The following SYNGR1 variants were observed in gnomAD, a reference collection of about 807,000 sequenced individuals.
The protein encoded by SYNGR1 is synaptogyrin-1.
SYNGR1 carries 14 observed loss-of-function variants against 26.1 expected under a neutral mutation model. That is an observed-to-expected ratio of 0.54 (90% confidence interval 0.35 to 0.84). The LOEUF is 0.84. SYNGR1 is among the 40% of genes least tolerant of loss of function. SYNGR1 has a pLI of 0.01. For missense variants in SYNGR1, 319 were observed against 332.9 expected, an observed-to-expected ratio of 0.96 and a Z score of 0.33; for synonymous variants, 141 against 150.1, an observed-to-expected ratio of 0.94 and a Z score of 0.44.
chr22:39,366,019 A>G (rs1276639357), intron 1 of SYNGR1, among the ~76,000 whole-genome samples: 3 of 53,018 alleles, frequency 5.7e-5, no homozygotes, highest in South Asian at 1.1e-3. Context: ...TTTTTTTGAG[A>G]CAGGGTCTCC....
intron 1 of SYNGR1, among the ~76,000 whole-genome samples, chr22:39,371,954 C>G (rs1320130988): frequency 6.6e-6 from 1 of 152,008 alleles, no homozygotes. Flanking sequence ...AACAAATTGC[C>G]CTACAACATA....
In SYNGR1 at chr22:39,383,199, G is replaced by A. The variant is rs1925554120; in HGVS notation, c.*1285G>A. On this transcript the variant is annotated 3_prime_UTR_variant, in exon 4 of 4. Transcript: ENST00000328933. Reference sequence around the variant, plus strand: ...GAGGTGTTTCCTTGGCCTTCCAGAAGGCCCACTGTGGAGCCAGCCTCCCTA... The same window carrying A: ...GAGGTGTTTCCTTGGCCTTCCAGAAAGCCCACTGTGGAGCCAGCCTCCCTA... 2.0e-5 allele frequency: 3 copies of A among 152,374 alleles called. No individual in the cohort carries two copies. Among genetic ancestry groups the A allele is most frequent in the African/African-American group, 7.2e-5 (3 of 41,452 alleles). The allele number at this position is 152,374 out of a possible 1,614,324, so 9.4% of individuals were successfully genotyped here.
At chr22:39,374,679 A>T in intron 2 of SYNGR1, 126 bp downstream of exon 2, 2 of 1,042,600 alleles carry the variant, frequency 1.9e-6, no homozygotes, top group Non-Finnish European at 2.9e-6. Context: ...GGGTGAAGGG[A>T]TGGACTCAGG....
rs1455215700 is a variant in SYNGR1 at position 39,376,010 on chromosome 22, T to C, written c.338-42T>C. The C allele has an allele frequency of 9.3e-6, 15 of 1,613,628 alleles. No individual in the cohort carries two copies. In the Middle Eastern group the frequency reaches 6.6e-4, roughly 71 times the overall value. ...TTCTCCCCACTCACCCTCTCCCCCATGTGTGGCACTGCCTATTCTGCCCGG... is the reference window on the plus strand; with the variant it reads ...TTCTCCCCACTCACCCTCTCCCCCACGTGTGGCACTGCCTATTCTGCCCGG... On this transcript the variant is annotated intron_variant, in intron 2 of 3. Transcript: ENST00000328933.
intron 1 of SYNGR1, among the ~76,000 whole-genome samples, chr22:39,353,013 C>T: frequency 6.6e-6 from 1 of 152,056 alleles, no homozygotes; most frequent in Admixed American, 6.6e-5. Context: ...AGGCACACAC[C>T]ACCACGCCCA....
rs1033939257 is a variant in SYNGR1 at position 39,381,707 on chromosome 22, T to C, written c.495T>C (p.Ala165=). 6.2e-7 allele frequency: 1 copy of C among 1,613,230 alleles called. No homozygotes were observed. The highest frequency in any genetic ancestry group is 1.3e-5 in the African/African-American group (1 of 74,922). Reference sequence around the variant, plus strand: ...GCCTTTGTCCCCAGGCGGGCCAGGCTGTGCTGGCCTTCCAGCGGTACCAGA... The same window carrying C: ...GCCTTTGTCCCCAGGCGGGCCAGGCCGTGCTGGCCTTCCAGCGGTACCAGA... ...FFSIFTWAGQ[A]VLAFQRYQIG... Residue 165 remains alanine, a synonymous_variant, in exon 4 of 4, where the codon GCT becomes GCC. Coordinates refer to ENST00000328933, the MANE Select transcript of SYNGR1 (RefSeq NM_004711.5).
chr22:39,380,120 T>G (rs942761645), intron 3 of SYNGR1: 1 of 147,542 alleles, frequency 6.8e-6, no homozygotes, highest in African/African-American at 2.5e-5. Flanking sequence ...TTCCTAACCA[T>G]GCATGTGTGC....
intron 1 of SYNGR1, among the ~76,000 whole-genome samples, chr22:39,353,913 G>C (rs993284657): frequency 1.3e-5 from 2 of 152,182 alleles, no homozygotes; most frequent in African/African-American, 4.8e-5. Flanking sequence ...CTCCAGGCTA[G>C]AGTGCAGTGG....
intron 1 of SYNGR1, among the ~76,000 whole-genome samples, chr22:39,357,392 C>T (rs1601650369): frequency 6.6e-6 from 1 of 152,362 alleles, no homozygotes; most frequent in Non-Finnish European, 1.5e-5. Flanking sequence ...TCACAGCCCT[C>T]ACTTGCTCTC....
chr22:39,366,326 C>T (rs555179809), intron 1 of SYNGR1, among the ~76,000 whole-genome samples: 1 of 151,644 alleles, frequency 6.6e-6, no homozygotes, highest in South Asian at 2.1e-4. Flanking sequence ...TCGGCTGTGT[C>T]TGCAGATTCT....
In SYNGR1 at chr22:39,385,233, C is replaced by T. The variant is rs1925623420; in HGVS notation, c.*3319C>T. 1.1e-5 allele frequency: 4 copies of T among 378,580 alleles called. No homozygotes were observed. The highest frequency in any genetic ancestry group is 9.1e-5 in the Admixed American group (2 of 22,088). The allele number at this position is 378,580 out of a possible 1,614,324, so 23.5% of individuals were successfully genotyped here. Reference sequence around the variant, plus strand: ...GGCTGCCTCCCAGCGATGCACTTGACCTGACACTCCCCATGTCCTGGTGCG... The same window carrying T: ...GGCTGCCTCCCAGCGATGCACTTGATCTGACACTCCCCATGTCCTGGTGCG... On this transcript the variant is annotated 3_prime_UTR_variant, in exon 4 of 4. Coordinates refer to ENST00000328933, the MANE Select transcript of SYNGR1 (RefSeq NM_004711.5).
chr22:39,382,462 G>T lies in SYNGR1; in HGVS notation c.*548G>T, dbSNP rs796891277. 5.8e-6 allele frequency: 1 copy of T among 171,300 alleles called. No individual in the cohort carries two copies. The highest frequency in any genetic ancestry group is 1.3e-5 in the Non-Finnish European group (1 of 78,374). The allele number at this position is 171,300 out of a possible 1,614,324, so 10.6% of individuals were successfully genotyped here. ...GGGCCGTCTCCATTTTATGGTTGAG[G>T]AAACTGAGGTCTAGAGAGGTCAAGA... On this transcript the variant is annotated 3_prime_UTR_variant, in exon 4 of 4. Transcript: ENST00000328933.
chr22:39,355,865 A>G (rs545372339), intron 1 of SYNGR1, among the ~76,000 whole-genome samples: 1 of 152,198 alleles, frequency 6.6e-6, no homozygotes, highest in African/African-American at 2.4e-5. Context: ...TAAAATTACA[A>G]AAAATTAGCC....
In SYNGR1 at chr22:39,384,435, C is replaced by G. The variant is rs1925595064; in HGVS notation, c.*2521C>G. On this transcript the variant is annotated 3_prime_UTR_variant, in exon 4 of 4. Coordinates refer to ENST00000328933, the MANE Select transcript of SYNGR1 (RefSeq NM_004711.5). ...TCCCTCACTCTTCCCGGGTTCAGCC[C>G]AGAAGCCCTTCCAGGCATGATCTTC... 2.5e-6 allele frequency: 1 copy of G among 398,042 alleles called. No homozygotes were observed. Among genetic ancestry groups the G allele is most frequent in the African/African-American group, 2.1e-5 (1 of 48,634 alleles). The allele number at this position is 398,042 out of a possible 1,614,324, so 24.7% of individuals were successfully genotyped here. A position where few individuals can be genotyped will look rare whatever the true frequency, so the allele number is the denominator to read the frequency against.
chr22:39,361,356 C>T lies in SYNGR1; in HGVS notation c.99+11247C>T, dbSNP rs201219847. Reference sequence around the variant, plus strand: ...ACAGAACTGGATGGTTAACCCTGCCCTTTTTTTTTTTTTTTTTTTTGAGAC... The same window carrying T: ...ACAGAACTGGATGGTTAACCCTGCCTTTTTTTTTTTTTTTTTTTTTGAGAC... On this transcript the variant is annotated intron_variant, in intron 1 of 3. Transcript: ENST00000328933. 9.5e-4 allele frequency among the ~76,000 whole-genome samples: 116 copies of T among 122,314 alleles called. No homozygotes were observed. In the East Asian group the frequency reaches 0.019, roughly 20 times the overall value. The allele number at this position is 122,314 out of a possible 152,430, so 80.2% of individuals were successfully genotyped here.
chr22:39,377,449 G>A (rs1264961316), intron 3 of SYNGR1: 25 of 1,511,896 alleles, frequency 1.7e-5, no homozygotes, highest in East Asian at 4.9e-5. Flanking sequence ...GTTTAGGGGC[G>A]GGGCTCACAG....
chr22:39,380,551 G>A (rs1431833690), intron 3 of SYNGR1, among the ~76,000 whole-genome samples: 5 of 151,324 alleles, frequency 3.3e-5, no homozygotes, highest in South Asian at 2.1e-4. Context: ...CACTATGCCC[G>A]GCTAATTTGG....
chr22:39,365,988 C>CTTTT (rs777416803), intron 1 of SYNGR1, among the ~76,000 whole-genome samples: 10 of 68,382 alleles, frequency 1.5e-4, no homozygotes, highest in East Asian at 9.8e-4. Context: ...TCAGCCCCTT[C>CTTTT]TTTTTTTTTT....
At chr22:39,376,932 C>T in intron 3 of SYNGR1, 11 of 1,545,236 alleles carry the variant, frequency 7.1e-6, no homozygotes, top group African/African-American at 1.4e-5. Context: ...CCCAGCAGGC[C>T]CTGGGCTGGC....
Sources: allele counts gnomAD v4.1 joint callset (sites outside exome capture counted in the v4.1 genomes callset), GRCh38; gene constraint gnomAD v4.1.1; transcripts MANE v1.5; gene names NCBI Gene and HGNC (gene_info 2026-07-23, HGNC 2026-07-21).